RNF17: variants seen among roughly 807,000 people sequenced by gnomAD.
RNF17 encodes the protein spermatogenesis associated 23.
In RNF17, 31 loss-of-function variants were observed where a neutral mutation model predicts 200.5. The ratio of observed to expected loss-of-function variants is 0.15; its 90% CI spans 0.12 to 0.21. The LOEUF is 0.21. Among genes scored for constraint, RNF17 ranks in the 10% least tolerant of loss-of-function variants. The pLI, the probability that RNF17 is intolerant of heterozygous loss-of-function variation, is 1.00. For synonymous variants in RNF17, 606 were observed against 637.8 expected (o/e 0.95, Z 0.75); for missense variants, 1,628 against 1,905.1 (o/e 0.85, Z 2.71).
At chr13:24,861,156 G>A (rs1027553676) in intron 26 of RNF17, 112 bp from the exon 27 acceptor site, 5 of 836,268 alleles carry the variant, frequency 6.0e-6, no homozygotes, top group East Asian at 3.2e-5. Context: ...TGGGATTATA[G>A]GCATGAGCCA....
intron 16 of RNF17, among the ~76,000 whole-genome samples, chr13:24,828,557 G>T (rs9551154): frequency 6.8e-6 from 1 of 146,376 alleles, no homozygotes. Flanking sequence ...CTGTTATTCT[G>T]TCAGACAAAT....
rs541971164 is a variant in RNF17, at chr13:24,861,607, T to A, written c.3894+220T>A. The stretch of plus-strand genomic sequence containing the variant: ...CATCTGAATAAATGAAGAGACATGT[T>A]CATAAGTAGGAAGGTATAAGATTGC... On this transcript the variant is annotated intron_variant, in intron 27 of 35. Coordinates refer to ENST00000255324, the MANE Select transcript of RNF17 (RefSeq NM_031277.3). Among the ~76,000 whole-genome samples the A allele has an allele frequency of 3.9e-5, 6 of 152,324 alleles. No homozygotes were observed. The South Asian group carries it at 1.2e-3, about 32-fold the overall frequency.
chr13:24,795,390 CCTCT>C (rs1238896418), intron 10 of RNF17, among the ~76,000 whole-genome samples: 2 of 149,854 alleles, frequency 1.3e-5, no homozygotes, highest in Admixed American at 1.3e-4. Context: ...CTTCTCTCTC[CCTCT>C]CTCTCTCTAT....
intron 4 of RNF17, 66 bp from the exon 5 acceptor site, chr13:24,779,601 A>G: frequency 7.9e-7 from 1 of 1,261,824 alleles, no homozygotes. Context: ...TGCAACTATA[A>G]TATATATATG....
rs1213751213 is a variant in RNF17, at chr13:24,858,997, TCAGAA to T, written c.3611-3_3612del. On this transcript the variant is annotated splice_acceptor_variant and splice_polypyrimidine_tract_variant and coding_sequence_variant and intron_variant, in exon 26 of 36. Transcript: ENST00000255324. LOFTEE classifies it high-confidence loss of function. Reference sequence around the variant, plus strand: ...TGCTTTCTATCTTTAATACTTTTTTTCAGAATTTGAGCTAATAAAAATGACAAATG... The same window carrying T: ...TGCTTTCTATCTTTAATACTTTTTTTTTTGAGCTAATAAAAATGACAAATG... 1 of 1,538,320 alleles carries T rather than the reference TCAGAA, an allele frequency of 6.5e-7. No homozygotes were observed. The highest frequency in any genetic ancestry group is 8.9e-7 in the Non-Finnish European group (1 of 1,120,936).
chr13:24,762,166 T>C (rs1211980474), upstream of RNF17, among the ~76,000 whole-genome samples: 1 of 151,960 alleles, frequency 6.6e-6, no homozygotes, highest in Non-Finnish European at 1.5e-5. Flanking sequence ...GCTCAGGAGT[T>C]TGAGAGCAGC....
At chr13:24,817,159 G>GT (rs1399490920) in intron 15 of RNF17, among the ~76,000 whole-genome samples, 2 of 152,034 alleles carry the variant, frequency 1.3e-5, no homozygotes, top group Non-Finnish European at 2.9e-5. Context: ...CCATCTTTTT[G>GT]TTTTTTGGAA....
At chr13:24,869,976 C>G (rs941536621) in intron 31 of RNF17, among the ~76,000 whole-genome samples, 2 of 127,730 alleles carry the variant, frequency 1.6e-5, no homozygotes, top group Non-Finnish European at 3.1e-5. Flanking sequence ...GAGTCTCGCT[C>G]TGTCGCCCAG....
chr13:24,836,682 C>T (rs974680657), intron 18 of RNF17, among the ~76,000 whole-genome samples: 1 of 152,112 alleles, frequency 6.6e-6, no homozygotes, highest in Non-Finnish European at 1.5e-5. Flanking sequence ...ATTACCAAGC[C>T]ACCACTACAA....
Position 24,874,182 on chromosome 13 carries a change from T to C in RNF17, c.4516T>C (p.Phe1506Leu), listed in dbSNP as rs1894609165. 2 of 1,611,704 alleles carry C rather than the reference T, an allele frequency of 1.2e-6. No individual in the cohort carries two copies. Among genetic ancestry groups the C allele is most frequent in the South Asian group, 1.1e-5 (1 of 90,608 alleles). Residue 1506 changes from phenylalanine to leucine, a missense_variant, in exon 33 of 36, where the codon TTT (phenylalanine) becomes CTT (leucine). Coordinates refer to ENST00000255324, the MANE Select transcript of RNF17 (RefSeq NM_031277.3). ...AGCGAAGATTGTTGCCATTAAAGAA[T>C]TTAATCCTTTATCTATCTTAGTACA... ...YRAKIVAIKEFNPLSILVQFV... is the reference protein window; with the variant it reads ...YRAKIVAIKELNPLSILVQFV...
chr13:24,753,646 T>C, the RNF17 span, among the ~76,000 whole-genome samples: 2 of 152,198 alleles, frequency 1.3e-5, no homozygotes, highest in African/African-American at 4.8e-5. Flanking sequence ...AGAAGGGTCA[T>C]TTGTGGAGCA....
chr13:24,855,375 A>G (rs1384682890), intron 25 of RNF17, among the ~76,000 whole-genome samples: 1 of 152,152 alleles, frequency 6.6e-6, no homozygotes, highest in Non-Finnish European at 1.5e-5. Flanking sequence ...CATGCCTGTC[A>G]TCCCAGCACT....
At chr13:24,824,114 C>A in intron 15 of RNF17, 1 of 698,806 alleles carries the variant, frequency 1.4e-6, no homozygotes, top group South Asian at 1.6e-5. Flanking sequence ...GTAAAAATAC[C>A]ACAAAACTTT....
intron 15 of RNF17, among the ~76,000 whole-genome samples, chr13:24,813,851 A>G (rs1887067734): frequency 1.1e-5 from 1 of 95,226 alleles, no homozygotes; most frequent in African/African-American, 4.3e-5. Context: ...TTTTAGAGAC[A>G]GGTTCTTGCT....
chr13:24,883,275 T>C, downstream of RNF17: 1 of 1,614,054 alleles, frequency 6.2e-7, no homozygotes, highest in South Asian at 1.1e-5. Flanking sequence ...GCATATACGG[T>C]TTTAACAGTG....
intron 2 of RNF17, among the ~76,000 whole-genome samples, chr13:24,769,818 C>T (rs1347537268): frequency 1.3e-5 from 2 of 152,074 alleles, no homozygotes; most frequent in Non-Finnish European, 2.9e-5. Context: ...TAATAGGTAT[C>T]CTTTTGTTCT....
chr13:24,820,934 C>G (rs1055153373), intron 15 of RNF17, among the ~76,000 whole-genome samples: 4 of 152,094 alleles, frequency 2.6e-5, no homozygotes, highest in Non-Finnish European at 5.9e-5. Flanking sequence ...TTCCCTGGAG[C>G]TGGTGTAACA....
intron 18 of RNF17, among the ~76,000 whole-genome samples, chr13:24,834,860 C>G (rs1889797025): frequency 6.6e-6 from 1 of 152,182 alleles, no homozygotes; most frequent in African/African-American, 2.4e-5. Flanking sequence ...ATCTGGTGTG[C>G]AGACTCCACA....
At chr13:24,836,240 AG>A (rs1889986311) in intron 18 of RNF17, among the ~76,000 whole-genome samples, 1 of 152,240 alleles carries the variant, frequency 6.6e-6, no homozygotes, top group Non-Finnish European at 1.5e-5. Flanking sequence ...GCCTTGCTAG[AG>A]ACCTGGACAT....
Sources: gnomAD v4.1 joint callset for allele counts (sites outside exome capture counted in the v4.1 genomes callset) on GRCh38, gnomAD v4.1.1 for gene constraint, MANE v1.5 for transcripts, NCBI Gene and HGNC (gene_info 2026-07-23, HGNC 2026-07-21) for gene names.